ALB: variants seen among roughly 807,000 people sequenced by gnomAD.
The protein encoded by ALB is albumin, also known as serum albumin.
A neutral mutation model predicts 74.5 loss-of-function variants in ALB; 37 were observed. The ratio of observed to expected loss-of-function variants is 0.50; its 90% CI spans 0.38 to 0.65. The LOEUF (loss-of-function observed/expected upper bound fraction) is 0.65. ALB is among the 30% of genes least tolerant of loss of function. ALB has a pLI of 0.00. For missense variants in ALB, 685 were observed against 718.7 expected, an observed-to-expected ratio of 0.95 and a Z score of 0.54; for synonymous variants, 249 against 251.6, an observed-to-expected ratio of 0.99 and a Z score of 0.10.
intron 11 of ALB, 43 bp downstream of exon 11, chr4:73,417,712 T>G (rs1719049967): frequency 6.8e-7 from 1 of 1,469,928 alleles, no homozygotes; most frequent in African/African-American, 1.4e-5. Flanking sequence ...ATGAAAAAAT[T>G]TTACCTTTAG....
chr4:73,408,953 T>A lies in ALB; in HGVS notation c.482+148T>A, dbSNP rs1405058039. The A allele has an allele frequency of 1.2e-5, 9 of 721,442 alleles. No individual in the cohort carries two copies. The East Asian group carries it at 2.4e-4, about 20-fold the overall frequency. The allele number at this position is 721,442 out of a possible 1,614,324, so 44.7% of individuals were successfully genotyped here. A position where few individuals can be genotyped will look rare whatever the true frequency, so the allele number is the denominator to read the frequency against. The stretch of plus-strand genomic sequence containing the variant: ...GATGATTTTTTAAAGAAGTAGTATT[T>A]GATACCACAAAATTCTACACAGCAA... On this transcript the variant is annotated intron_variant, in intron 4 of 14. Transcript: ENST00000295897.
chr4:73,415,051 G>T lies in ALB; in HGVS notation c.1075G>T (p.Ala359Ser). ...CTTAATTAGGTTTTTGTATGAATAT[G>T]CAAGAAGGCATCCTGATTACTCTGT... ...VFLGMFLYEY[A>S]RRHPDYSVVL... Residue 359 changes from alanine (A) to serine (S), a missense_variant, in exon 9 of 15, where the codon GCA becomes TCA. Ala to Ser is a moderately conservative substitution (Grantham distance 99). Coordinates refer to ENST00000295897, the MANE Select transcript of ALB (RefSeq NM_000477.7). 6.2e-7 allele frequency: 1 copy of T among 1,614,078 alleles called. No individual in the cohort carries two copies. The highest frequency in any genetic ancestry group is 8.5e-7 in the Non-Finnish European group (1 of 1,179,976).
Position 73,413,454 on chromosome 4 carries a change from A to T in ALB, c.878A>T (p.Asp293Val). The change falls in exon 8 of 15, where the codon GAT becomes GTT. Residue 293 changes from aspartate to valine, a missense_variant. Asp to Val is a radical substitution (Grantham distance 152). Transcript: ENST00000295897. ...GCCAAGTATATCTGTGAAAATCAAG[A>T]TTCGATCTCCAGTAAACTGAAGGAA... ...DLAKYICENQDSISSKLKECC... is the reference protein window; with the variant it reads ...DLAKYICENQVSISSKLKECC... 2 of 1,614,182 alleles carry T rather than the reference A, an allele frequency of 1.2e-6. No homozygotes were observed. The highest frequency in any genetic ancestry group is 1.7e-6 in the Non-Finnish European group (2 of 1,180,022).
rs761737106 is a variant in ALB, at chr4:73,413,646, A to G, written c.1058+12A>G. The stretch of plus-strand genomic sequence containing the variant: ...GTCTTCCTGGGCATGTAAGTAGATA[A>G]GAAATTATTCTTTTATAGCTTTGGC... On this transcript the variant is annotated intron_variant, in intron 8 of 14. Transcript: ENST00000295897. The G allele has an allele frequency of 6.2e-7, 1 of 1,613,220 alleles. No individual in the cohort carries two copies. Among genetic ancestry groups the G allele is most frequent in the Admixed American group, 1.7e-5 (1 of 60,010 alleles).
chr4:73,415,903 G>T (rs991205164), intron 9 of ALB, among the ~76,000 whole-genome samples: 2 of 152,136 alleles, frequency 1.3e-5, no homozygotes, highest in Non-Finnish European at 2.9e-5. Context: ...AGCTTACCTG[G>T]TTTACAGAGC....
At chr4:73,408,287 A>T (rs1403033608) in intron 3 of ALB, among the ~76,000 whole-genome samples, 1 of 152,118 alleles carries the variant, frequency 6.6e-6, no homozygotes, top group Non-Finnish European at 1.5e-5. Context: ...TTTCTGTTAT[A>T]ATGATTGCTC....
chr4:73,409,128 C>G lies in ALB; in HGVS notation c.483-227C>G, dbSNP rs1718804225. The G allele has an allele frequency of 5.0e-6, 3 of 594,748 alleles. No homozygotes were observed. The South Asian group carries it at 6.8e-5, about 13-fold the overall frequency. 36.8% of individuals were successfully genotyped at this position (594,748 alleles called of 1,614,324 possible). On this transcript the variant is annotated intron_variant, in intron 4 of 14. Transcript: ENST00000295897. The stretch of plus-strand genomic sequence containing the variant: ...CGTTTTAGTCAGCAACATTATATTG[C>G]CAAAATTTAACCATTTATGCACACA...
chr4:73,414,030 A>G (rs745862373), intron 8 of ALB, among the ~76,000 whole-genome samples: 6 of 152,178 alleles, frequency 3.9e-5, no homozygotes, highest in Non-Finnish European at 5.9e-5. Context: ...TATCTAATCT[A>G]TGCAATGATA....
chr4:73,410,239 C>T (rs956301104), intron 5 of ALB, 73 bp from the exon 6 acceptor site: 5 of 1,157,612 alleles, frequency 4.3e-6, no homozygotes, highest in Admixed American at 1.7e-5. Flanking sequence ...GGCACAGTCT[C>T]ATCTGAGCTT....
intron 6 of ALB, among the ~76,000 whole-genome samples, chr4:73,410,688 A>T (rs1030393560): frequency 6.6e-6 from 1 of 152,096 alleles, no homozygotes; most frequent in Non-Finnish European, 1.5e-5. Context: ...TTATTTATAA[A>T]ATCTTGGACT....
chr4:73,409,638 C>A, intron 5 of ALB, 151 bp downstream of exon 5: 1 of 904,702 alleles, frequency 1.1e-6, no homozygotes, highest in Non-Finnish European at 1.7e-6. Context: ...AATCTTTCAT[C>A]TTTGAAGGCC....
intron 6 of ALB, 101 bp from the exon 7 acceptor site, chr4:73,411,895 A>G: frequency 2.8e-6 from 4 of 1,436,446 alleles, no homozygotes; most frequent in Middle Eastern, 3.6e-4. Context: ...TTATTTCTGT[A>G]TGTCCATTTT....
At chr4:73,420,750 A>T (rs1263125677) in intron 14 of ALB, 1 of 291,638 alleles carries the variant, frequency 3.4e-6, no homozygotes, top group East Asian at 7.0e-5. Flanking sequence ...CAGTGATTTC[A>T]CATGGTTCAA....
intron 13 of ALB, 113 bp downstream of exon 13, chr4:73,419,752 A>G: frequency 7.8e-7 from 1 of 1,284,056 alleles, no homozygotes; most frequent in Non-Finnish European, 1.1e-6. Context: ...TGGGACAGGG[A>G]TCTTATTTTA....
chr4:73,406,902 A>G (rs1446835061), intron 3 of ALB, 141 bp downstream of exon 3: 5 of 929,978 alleles, frequency 5.4e-6, no homozygotes, highest in Non-Finnish European at 8.0e-6. Flanking sequence ...TCATAGACTG[A>G]TAAGCCATTG....
Position 73,410,312 on chromosome 4 carries a change from C to T in ALB, c.616C>T (p.Leu206Phe), listed in dbSNP as rs987708371. Residue 206 changes from leucine (L) to phenylalanine (F), a missense_variant and splice_region_variant, in exon 6 of 15, where the codon CTC becomes TTC. Coordinates refer to ENST00000295897, the MANE Select transcript of ALB (RefSeq NM_000477.7). Reference protein sequence around the residue: ...ADKAACLLPKLDELRDEGKAS... With the variant: ...ADKAACLLPKFDELRDEGKAS... ...TTCATCAAATTATTCCTTTTTGTAG[C>T]TCGATGAACTTCGGGATGAAGGGAA... is the stretch of plus-strand genomic sequence containing the variant. 2 of 1,612,478 alleles carry T rather than the reference C, an allele frequency of 1.2e-6. No homozygotes were observed. The highest frequency in any genetic ancestry group is 2.2e-5 in the East Asian group (1 of 44,868).
In ALB at chr4:73,409,506, GA is replaced by G. The variant is rs1341841130; in HGVS notation, c.615+26del. The G allele has an allele frequency of 1.9e-6, 3 of 1,612,124 alleles. No individual in the cohort carries two copies. The Admixed American group carries it at 5.0e-5, about 27-fold the overall frequency. On this transcript the variant is annotated intron_variant, in intron 5 of 14. Coordinates refer to ENST00000295897, the MANE Select transcript of ALB (RefSeq NM_000477.7). Reference sequence around the variant, plus strand: ...GCCAAAGGTATTATGCAAAAGAATAGAAAAAAAGAGTTCATTATCCAACCTG... The same window carrying G: ...GCCAAAGGTATTATGCAAAAGAATAGAAAAAAGAGTTCATTATCCAACCTG...
At chr4:73,409,179 CT>C (rs1249607351) in intron 4 of ALB, 175 bp from the exon 5 acceptor site, 6 of 703,994 alleles carry the variant, frequency 8.5e-6, no homozygotes, top group East Asian at 8.3e-5. Context: ...ACACTTAACC[CT>C]TTTTTCCACA....
intron 6 of ALB, among the ~76,000 whole-genome samples, chr4:73,410,628 G>A (rs1026256025): frequency 1.3e-5 from 2 of 151,934 alleles, no homozygotes; most frequent in African/African-American, 4.8e-5. Context: ...ATAATTTAGA[G>A]GACGCTGTCC....
Sources: gnomAD v4.1 joint callset for allele counts (sites outside exome capture counted in the v4.1 genomes callset) on GRCh38, gnomAD v4.1.1 for gene constraint, MANE v1.5 for transcripts, NCBI Gene and HGNC (gene_info 2026-07-23, HGNC 2026-07-21) for gene names.